Variants in PTPRM observed in about 807,000 individuals in gnomAD.
PTPRM encodes the protein protein tyrosine phosphatase receptor type M.
PTPRM carries 47 observed loss-of-function variants against 186.7 expected under a neutral mutation model. That is an observed-to-expected ratio of 0.25 (90% CI 0.20 to 0.32). The LOEUF (loss-of-function observed/expected upper bound fraction) is 0.32, where lower values mean the gene tolerates loss of function less well. PTPRM is among the 10% of genes least tolerant of loss of function. The pLI, the probability that PTPRM is intolerant of heterozygous loss-of-function variation, is 1.00. For synonymous variants in PTPRM, 668 were observed against 674.9 expected (o/e 0.99, Z 0.16); for missense variants, 1,494 against 1,865.0 (o/e 0.80, Z 3.66).
At chr18:7,753,302 A>T (rs2041312453) in intron 1 of PTPRM, among the ~76,000 whole-genome samples, 1 of 152,132 alleles carries the variant, frequency 6.6e-6, no homozygotes, top group Non-Finnish European at 1.5e-5. Flanking sequence ...GACTGAAAGT[A>T]AAGTCAGAAT....
At chr18:8,097,380 G>A (rs1256011846) in intron 11 of PTPRM, among the ~76,000 whole-genome samples, 3 of 152,098 alleles carry the variant, frequency 2.0e-5, no homozygotes, top group Non-Finnish European at 2.9e-5. Flanking sequence ...TACCTGCTAA[G>A]TGTTTTCCTG....
At chr18:8,220,348 G>A (rs1179058855) in intron 14 of PTPRM, among the ~76,000 whole-genome samples, 2 of 152,176 alleles carry the variant, frequency 1.3e-5, no homozygotes, top group Non-Finnish European at 2.9e-5. Context: ...CATAATGCAA[G>A]CCATTTATCA....
intron 1 of PTPRM, among the ~76,000 whole-genome samples, chr18:7,651,288 T>A (rs2038697013): frequency 6.6e-6 from 1 of 152,088 alleles, no homozygotes; most frequent in South Asian, 2.1e-4. Context: ...AAAGCTTGAC[T>A]GATGAAAGAA....
At chr18:8,087,015 G>A (rs2090467143) in intron 10 of PTPRM, among the ~76,000 whole-genome samples, 1 of 152,008 alleles carries the variant, frequency 6.6e-6, no homozygotes, top group African/African-American at 2.4e-5. Flanking sequence ...TGAAGAAAAT[G>A]GGTTGGTAGA....
At chr18:7,637,248 A>T (rs1244432423) in intron 1 of PTPRM, among the ~76,000 whole-genome samples, 1 of 151,500 alleles carries the variant, frequency 6.6e-6, no homozygotes, top group Non-Finnish European at 1.5e-5. Context: ...TGTCAAGTTT[A>T]AGATAAATTT....
chr18:7,766,548 G>A (rs1371075557), intron 1 of PTPRM, among the ~76,000 whole-genome samples: 3 of 152,204 alleles, frequency 2.0e-5, no homozygotes, highest in African/African-American at 7.2e-5. Flanking sequence ...CTGATTGGCC[G>A]TGAAAGTTAT....
chr18:7,913,278 T>A lies in PTPRM; in HGVS notation c.547+6695T>A, dbSNP rs11877850. On this transcript the variant is annotated intron_variant, in intron 4 of 32. Transcript: ENST00000580170. ...TTTCTGTATGCAAAATTGTGTCATC[T>A]TCAAGTAGGTTTTCCAGATTCCTCT... Among the ~76,000 whole-genome samples, 139 of 104,042 alleles carry A rather than the reference T, an allele frequency of 1.3e-3. 1 individual carries two copies. Among genetic ancestry groups the A allele is most frequent in the African/African-American group, 5.9e-3 (128 of 21,656 alleles). The allele number at this position is 104,042 out of a possible 152,430, so 68.3% of individuals were successfully genotyped here.
chr18:7,984,061 A>G (rs912153711), intron 7 of PTPRM, among the ~76,000 whole-genome samples: 6 of 152,192 alleles, frequency 3.9e-5, no homozygotes, highest in African/African-American at 1.2e-4. Flanking sequence ...AATGTGTTTT[A>G]GTATTCTTTA....
intron 22 of PTPRM, among the ~76,000 whole-genome samples, chr18:8,321,985 AAAAC>A (rs762999428): frequency 6.6e-5 from 10 of 152,178 alleles, no homozygotes; most frequent in Non-Finnish European, 1.2e-4. Flanking sequence ...CCTTTGTTGA[AAAAC>A]AAACAAACAA....
At chr18:7,594,459 G>A (rs375924643) in intron 1 of PTPRM, among the ~76,000 whole-genome samples, 2 of 151,424 alleles carry the variant, frequency 1.3e-5, no homozygotes, top group African/African-American at 4.9e-5. Context: ...TAGCCCAGGC[G>A]ACAGAACGAG....
intron 2 of PTPRM, among the ~76,000 whole-genome samples, chr18:7,816,928 T>C (rs1377325212): frequency 6.6e-6 from 1 of 152,014 alleles, no homozygotes; most frequent in Non-Finnish European, 1.5e-5. Context: ...TTGAAATGCA[T>C]CTCTTTGAGA....
At chr18:8,210,247 T>A (rs1207826281) in intron 14 of PTPRM, among the ~76,000 whole-genome samples, 3 of 151,638 alleles carry the variant, frequency 2.0e-5, no homozygotes, top group Non-Finnish European at 2.9e-5. Flanking sequence ...GGAGGCGGAG[T>A]TTGCCATGAG....
chr18:8,203,054 G>A (rs1398263270), intron 14 of PTPRM, among the ~76,000 whole-genome samples: 1 of 152,162 alleles, frequency 6.6e-6, no homozygotes, highest in African/African-American at 2.4e-5. Flanking sequence ...TCTTGGTTAC[G>A]GCGAATCAAA....
At chr18:8,218,281 C>CCACTG (rs2094113248) in intron 14 of PTPRM, among the ~76,000 whole-genome samples, 1 of 152,180 alleles carries the variant, frequency 6.6e-6, no homozygotes, top group Non-Finnish European at 1.5e-5. Flanking sequence ...AAATGAGCAT[C>CCACTG]CACTGCACGC....
Position 7,771,082 on chromosome 18 carries a change from C to G in PTPRM, c.74-3067C>G, listed in dbSNP as rs541275369. ...GTTGTATTAGTCTTCTGGGTTTGCT[C>G]TCAGCCACACGTGCATGCTTTTGCT... On this transcript the variant is annotated intron_variant, in intron 1 of 32. Transcript: ENST00000580170. 3.9e-5 allele frequency among the ~76,000 whole-genome samples: 6 copies of G among 152,306 alleles called. No homozygotes were observed. The East Asian group carries it at 1.2e-3, about 29-fold the overall frequency.
chr18:7,794,998 C>T (rs2043542991), intron 2 of PTPRM, among the ~76,000 whole-genome samples: 1 of 152,168 alleles, frequency 6.6e-6, no homozygotes, highest in Non-Finnish European at 1.5e-5. Flanking sequence ...TCCTGGCTTA[C>T]AAAAGCGAAG....
Position 7,985,367 on chromosome 18 carries a change from ATATAC to A in PTPRM, c.1132+29954_1132+29958del, listed in dbSNP as rs1281756411. On this transcript the variant is annotated intron_variant, in intron 7 of 32. Coordinates refer to ENST00000580170, the MANE Select transcript of PTPRM (RefSeq NM_001105244.2). ...CACATAAATATATACATATACTGGTATATACGTATATAAATATATACATATACTGG... is the reference window on the plus strand; with the variant it reads ...CACATAAATATATACATATACTGGTAGTATATAAATATATACATATACTGG... Among the ~76,000 whole-genome samples, 297 of 120,728 alleles carry A rather than the reference ATATAC, an allele frequency of 2.5e-3. 10 individuals carry two copies. The highest frequency in any genetic ancestry group is 6.8e-3 in the African/African-American group (223 of 32,556). 79.2% of individuals were successfully genotyped at this position (120,728 alleles called of 152,430 possible). A position where few individuals can be genotyped will look rare whatever the true frequency, so the allele number is the denominator to read the frequency against.
At chr18:8,111,674 G>A (rs776465828) in intron 11 of PTPRM, among the ~76,000 whole-genome samples, 10 of 151,984 alleles carry the variant, frequency 6.6e-5, no homozygotes, top group African/African-American at 1.7e-4. Flanking sequence ...TTATTCTTAC[G>A]GTTTCTCTAT....
At chr18:7,777,229 C>T (rs972967017) in intron 2 of PTPRM, among the ~76,000 whole-genome samples, 7 of 152,194 alleles carry the variant, frequency 4.6e-5, no homozygotes, top group Non-Finnish European at 7.3e-5. Context: ...TTCCGTAACA[C>T]TTTAGAGACC....
Sources: allele counts gnomAD v4.1 joint callset (sites outside exome capture counted in the v4.1 genomes callset), GRCh38; gene constraint gnomAD v4.1.1; transcripts MANE v1.5; gene names NCBI Gene and HGNC (gene_info 2026-07-23, HGNC 2026-07-21).